The following UTS2B variants were observed in gnomAD, a reference collection of about 807,000 sequenced individuals.
The protein encoded by UTS2B is urotensin-2B.
Under a neutral mutation model 19.2 loss-of-function variants are expected in UTS2B, and 21 were observed. That is an observed-to-expected ratio of 1.09 (90% confidence interval 0.78 to 1.58). UTS2B has a LOEUF of 1.58. UTS2B is among the 40% of genes most tolerant of loss of function. The pLI is 0.00. For missense variants in UTS2B, 138 were observed against 130.3 expected, an observed-to-expected ratio of 1.06 and a Z score of -0.29; for synonymous variants, 57 against 50.2, an observed-to-expected ratio of 1.14 and a Z score of -0.58.
chr3:191,306,720 G>A (rs1375803089), intron 3 of UTS2B, among the ~76,000 whole-genome samples: 5 of 152,146 alleles, frequency 3.3e-5, no homozygotes, highest in African/African-American at 4.8e-5. Flanking sequence ...TACAAACTCC[G>A]CCTCCCGGGC....
intron 8 of UTS2B, among the ~76,000 whole-genome samples, chr3:191,273,009 T>C (rs931995600): frequency 6.7e-6 from 1 of 149,058 alleles, no homozygotes; most frequent in Non-Finnish European, 1.5e-5. Flanking sequence ...CTACTAAAAA[T>C]ACAAAAAAAT....
chr3:191,280,027 A>T (rs1716341794), intron 5 of UTS2B, among the ~76,000 whole-genome samples: 1 of 152,162 alleles, frequency 6.6e-6, no homozygotes, highest in East Asian at 1.9e-4. Flanking sequence ...AAGATGGCAA[A>T]GCTGCTCCAA....
chr3:191,305,411 A>G (rs1466873540), intron 3 of UTS2B, among the ~76,000 whole-genome samples: 1 of 152,140 alleles, frequency 6.6e-6, no homozygotes, highest in Non-Finnish European at 1.5e-5. Context: ...CATTTCTCTA[A>G]TGATCAGTGA....
At chr3:191,346,159 T>C in the UTS2B span, among the ~76,000 whole-genome samples, 1 of 152,180 alleles carries the variant, frequency 6.6e-6, no homozygotes, top group Non-Finnish European at 1.5e-5. Flanking sequence ...CATTATAAAA[T>C]AAATCAATAA....
At chr3:191,309,168 GTTTGT>G (rs1011906663) in intron 3 of UTS2B, among the ~76,000 whole-genome samples, 2 of 151,904 alleles carry the variant, frequency 1.3e-5, no homozygotes, top group African/African-American at 4.8e-5. Flanking sequence ...TTCTTGTTTT[GTTTGT>G]TTTTTTTTAA....
At chr3:191,345,444 T>G in the UTS2B span, among the ~76,000 whole-genome samples, 1 of 152,236 alleles carries the variant, frequency 6.6e-6, no homozygotes. Context: ...TTTTCCCTGC[T>G]TTTTCACTCT....
chr3:191,336,154 G>A, the UTS2B span, among the ~76,000 whole-genome samples: 1 of 149,360 alleles, frequency 6.7e-6, no homozygotes, highest in African/African-American at 2.5e-5. Context: ...TTTAATGTAT[G>A]TGTGTGTATT....
At chr3:191,308,637 C>A (rs764306905) in intron 3 of UTS2B, among the ~76,000 whole-genome samples, 1 of 152,178 alleles carries the variant, frequency 6.6e-6, no homozygotes, top group Non-Finnish European at 1.5e-5. Flanking sequence ...TGTCATCCCC[C>A]TTCTGTGATT....
intron 4 of UTS2B, among the ~76,000 whole-genome samples, chr3:191,298,173 C>T (rs1356114191): frequency 1.3e-5 from 2 of 152,136 alleles, no homozygotes; most frequent in East Asian, 1.9e-4. Context: ...CACCCAATGT[C>T]GTACCTAGCA....
intron 6 of UTS2B, among the ~76,000 whole-genome samples, chr3:191,277,787 AT>A (rs1405627714): frequency 6.6e-6 from 1 of 152,010 alleles, no homozygotes; most frequent in African/African-American, 2.4e-5. Context: ...GGAGAATTGC[AT>A]AGATGAGAAG....
chr3:191,335,820 C>G, the UTS2B span, among the ~76,000 whole-genome samples: 1 of 151,894 alleles, frequency 6.6e-6, no homozygotes, highest in Admixed American at 6.6e-5. Flanking sequence ...AATAAAAATT[C>G]CTTCCTTTTT....
At chr3:191,319,061 G>A (rs181396571) in intron 2 of UTS2B, among the ~76,000 whole-genome samples, 3 of 151,864 alleles carry the variant, frequency 2.0e-5, no homozygotes, top group Admixed American at 2.0e-4. Context: ...ATAGCTAACA[G>A]GTTAGGAAAC....
At chr3:191,345,841 T>C in the UTS2B span, among the ~76,000 whole-genome samples, 4 of 152,224 alleles carry the variant, frequency 2.6e-5, no homozygotes, top group Admixed American at 2.6e-4. Context: ...GCAGTGTGTT[T>C]GTTGAAGTGT....
At chr3:191,301,946 G>A (rs1023907906) in intron 4 of UTS2B, among the ~76,000 whole-genome samples, 1 of 152,166 alleles carries the variant, frequency 6.6e-6, no homozygotes, top group Admixed American at 6.5e-5. Flanking sequence ...AGAGGCATTT[G>A]AAACAGAGTG....
At chr3:191,311,864 G>A (rs1717310529) in intron 3 of UTS2B, among the ~76,000 whole-genome samples, 1 of 152,180 alleles carries the variant, frequency 6.6e-6, no homozygotes, top group African/African-American at 2.4e-5. Flanking sequence ...TCTTGGCCAA[G>A]TGCAGTGGCT....
intron 3 of UTS2B, among the ~76,000 whole-genome samples, chr3:191,312,173 T>C (rs1437505742): frequency 1.4e-5 from 2 of 146,968 alleles, no homozygotes; most frequent in Admixed American, 1.4e-4. Flanking sequence ...AAAAAAGGCA[T>C]CTCCACTTCA....
At chr3:191,311,163 G>C (rs535907378) in intron 3 of UTS2B, among the ~76,000 whole-genome samples, 3 of 152,344 alleles carry the variant, frequency 2.0e-5, no homozygotes, top group Non-Finnish European at 4.4e-5. Flanking sequence ...TCCTCACCAG[G>C]TGGCTCAGAT....
chr3:191,307,178 G>A (rs1243686936), intron 3 of UTS2B, among the ~76,000 whole-genome samples: 1 of 152,188 alleles, frequency 6.6e-6, no homozygotes. Context: ...TGTATGCAGA[G>A]CTCTGTTCCT....
In UTS2B at chr3:191,282,278, G is replaced by C. The variant is rs1001365771; in HGVS notation, c.-89C>G. ...TAGCTTTGGAATTCAGTAGAGCTTA[G>C]TTGCAAAAGGCAAGTGTGCCTCAGT... On this transcript the variant is annotated 5_prime_UTR_variant, in exon 5 of 9. Coordinates refer to ENST00000340524, the MANE Select transcript of UTS2B (RefSeq NM_198152.5). 2.2e-6 allele frequency: 2 copies of C among 899,196 alleles called. No homozygotes were observed. The highest frequency in any genetic ancestry group is 1.7e-5 in the African/African-American group (1 of 59,526). The allele number at this position is 899,196 out of a possible 1,614,324, so 55.7% of individuals were successfully genotyped here. A position where few individuals can be genotyped will look rare whatever the true frequency, so the allele number is the denominator to read the frequency against.
Sources: gnomAD v4.1 joint callset for allele counts (sites outside exome capture counted in the v4.1 genomes callset) on GRCh38, gnomAD v4.1.1 for gene constraint, MANE v1.5 for transcripts, NCBI Gene and HGNC (gene_info 2026-07-23, HGNC 2026-07-21) for gene names.